The following RBFOX1 variants were observed in gnomAD, a reference collection of about 807,000 sequenced individuals.
The protein encoded by RBFOX1 is RNA binding protein fox-1 homolog 1.
Under a neutral mutation model 57.7 loss-of-function variants are expected in RBFOX1, and 8 were observed. The ratio of observed to expected loss-of-function variants is 0.14; its 90% CI spans 0.08 to 0.25. The LOEUF (loss-of-function observed/expected upper bound fraction) is 0.25. RBFOX1 is among the 10% of genes least tolerant of loss of function. The probability of loss-of-function intolerance (pLI) is 1.00; values close to 1 mark genes in which losing one functional copy is unlikely to be tolerated. For synonymous variants in RBFOX1, 326 were observed against 222.4 expected, an observed-to-expected ratio of 1.47 and a Z score of -4.15; for missense variants, 611 against 548.5, an observed-to-expected ratio of 1.11 and a Z score of -1.14.
chr16:5,559,907 A>G (rs2045830585), intron 2 of RBFOX1, among the ~76,000 whole-genome samples: 1 of 52,594 alleles, frequency 1.9e-5, no homozygotes, highest in Non-Finnish European at 4.6e-5. Flanking sequence ...GAGATCCTTT[A>G]TTCTTCCTCA....
At chr16:7,566,005 C>A (rs930080302) in intron 5 of RBFOX1, among the ~76,000 whole-genome samples, 1 of 152,058 alleles carries the variant, frequency 6.6e-6, no homozygotes, top group Non-Finnish European at 1.5e-5. Context: ...AAAGACTTGC[C>A]GAGCGCCTAC....
At chr16:6,698,447 G>A (rs1207162154) in intron 3 of RBFOX1, among the ~76,000 whole-genome samples, 5 of 152,114 alleles carry the variant, frequency 3.3e-5, no homozygotes, top group Non-Finnish European at 2.9e-5. Context: ...TCCTGTGGCC[G>A]CCATAACGCA....
At chr16:7,034,089 C>A (rs1456533375) in intron 3 of RBFOX1, among the ~76,000 whole-genome samples, 1 of 152,142 alleles carries the variant, frequency 6.6e-6, no homozygotes, top group Non-Finnish European at 1.5e-5. Context: ...GTGCAGGTGT[C>A]CATGCCATGG....
chr16:6,173,318 G>A (rs1337536605), intron 1 of RBFOX1, among the ~76,000 whole-genome samples: 2 of 152,136 alleles, frequency 1.3e-5, no homozygotes, highest in East Asian at 1.9e-4. Flanking sequence ...AGGAATTAAC[G>A]GTGATTATTG....
chr16:5,822,411 G>A (rs916479227), intron 3 of RBFOX1, among the ~76,000 whole-genome samples: 3 of 152,022 alleles, frequency 2.0e-5, no homozygotes, highest in African/African-American at 4.8e-5. Flanking sequence ...AATACCACCT[G>A]TACCCCAATA....
intron 2 of RBFOX1, among the ~76,000 whole-genome samples, chr16:6,508,862 A>C (rs569514722): frequency 1.6e-4 from 21 of 131,504 alleles, no homozygotes; most frequent in African/African-American, 5.7e-4. Flanking sequence ...CAACCTACGA[A>C]TCATAACAAA....
chr16:7,282,700 C>G (rs925992207), intron 4 of RBFOX1, among the ~76,000 whole-genome samples: 1 of 152,094 alleles, frequency 6.6e-6, no homozygotes, highest in Non-Finnish European at 1.5e-5. Flanking sequence ...ATACACTGCA[C>G]CCAGTTTGTA....
intron 3 of RBFOX1, among the ~76,000 whole-genome samples, chr16:5,834,774 G>T (rs55781737): frequency 1.5e-5 from 2 of 133,864 alleles, no homozygotes; most frequent in African/African-American, 5.8e-5. Flanking sequence ...TACATGCACA[G>T]ATGATAGATA....
intron 1 of RBFOX1, among the ~76,000 whole-genome samples, chr16:6,286,761 G>T (rs1362318): frequency 0.8 from 122,004 of 152,104 alleles, 49,086 homozygotes; most frequent in East Asian, 0.99. Flanking sequence ...GATTCATTCA[G>T]CCTAGCCAGT....
rs551642134 is a variant in RBFOX1 at position 6,968,142 on chromosome 16, G to A, written c.-15-83915G>A. 3.3e-5 allele frequency among the ~76,000 whole-genome samples: 5 copies of A among 152,256 alleles called. No individual in the cohort carries two copies. In the South Asian group the frequency reaches 1.0e-3, roughly 32 times the overall value. On this transcript the variant is annotated intron_variant, in intron 3 of 15. Transcript: ENST00000550418. Reference sequence around the variant, plus strand: ...CAACCCCGCACAGACACCACCGCTAGACTCGGCCTCAGGGTGGGAACCCCC... The same window carrying A: ...CAACCCCGCACAGACACCACCGCTAAACTCGGCCTCAGGGTGGGAACCCCC...
At chr16:7,410,242 T>A (rs974197001) in intron 4 of RBFOX1, among the ~76,000 whole-genome samples, 1 of 152,232 alleles carries the variant, frequency 6.6e-6, no homozygotes, top group Admixed American at 6.5e-5. Context: ...GCACTGCATA[T>A]GTGTTGGCTC....
intron 1 of RBFOX1, among the ~76,000 whole-genome samples, chr16:5,370,746 G>C (rs901514300): frequency 6.6e-6 from 1 of 151,962 alleles, no homozygotes; most frequent in Non-Finnish European, 1.5e-5. Flanking sequence ...TCCCACCTTG[G>C]CCTCCCAGAG....
intron 4 of RBFOX1, among the ~76,000 whole-genome samples, chr16:7,390,717 G>T (rs1165576262): frequency 6.6e-6 from 1 of 152,120 alleles, no homozygotes; most frequent in Admixed American, 6.5e-5. Context: ...GGAATTAGTG[G>T]TTATAAGAAC....
chr16:5,805,020 G>T (rs2055181384), intron 3 of RBFOX1, among the ~76,000 whole-genome samples: 1 of 152,040 alleles, frequency 6.6e-6, no homozygotes, highest in African/African-American at 2.4e-5. Flanking sequence ...GTGACTTGGA[G>T]GCTCTGGGGT....
chr16:7,464,548 C>A (rs74010506), intron 4 of RBFOX1, among the ~76,000 whole-genome samples: 1,784 of 152,178 alleles, frequency 0.012, 32 homozygotes, highest in African/African-American at 0.041. Flanking sequence ...TCAGGGACAT[C>A]TACAAGCTAT....
rs78832326 is a variant in RBFOX1, at chr16:7,343,307, T to G, written c.28-174840T>G. Among the ~76,000 whole-genome samples, 992 of 152,256 alleles carry G rather than the reference T, an allele frequency of 6.5e-3. 11 individuals carry two copies. Among genetic ancestry groups the G allele is most frequent in the African/African-American group, 0.022 (930 of 41,550 alleles). Reference sequence around the variant, plus strand: ...GCTTCGAAGTCCCGCTGCATCCAGATGTTCCCCCAAAGCTGCTATGGATCA... The same window carrying G: ...GCTTCGAAGTCCCGCTGCATCCAGAGGTTCCCCCAAAGCTGCTATGGATCA... On this transcript the variant is annotated intron_variant, in intron 4 of 15. Transcript: ENST00000550418.
intron 1 of RBFOX1, among the ~76,000 whole-genome samples, chr16:6,126,062 A>G (rs1039762429): frequency 3.3e-5 from 5 of 152,212 alleles, no homozygotes; most frequent in African/African-American, 1.2e-4. Flanking sequence ...TGAGAAAAGA[A>G]TTCTGTGATT....
At chr16:7,499,897 A>G (rs1159927897) in intron 4 of RBFOX1, among the ~76,000 whole-genome samples, 2 of 149,578 alleles carry the variant, frequency 1.3e-5, no homozygotes, top group Non-Finnish European at 3.0e-5. Context: ...AAAAAAAAGA[A>G]AAAAAAAAAA....
At chr16:5,289,817 G>A (rs7199158) in intron 1 of RBFOX1, among the ~76,000 whole-genome samples, 1 of 152,078 alleles carries the variant, frequency 6.6e-6, no homozygotes, top group Non-Finnish European at 1.5e-5. Flanking sequence ...CTTACACAGT[G>A]TGGCACTTCT....
Sources: gnomAD v4.1 joint callset for allele counts (sites outside exome capture counted in the v4.1 genomes callset) on GRCh38, gnomAD v4.1.1 for gene constraint, MANE v1.5 for transcripts, NCBI Gene and HGNC (gene_info 2026-07-23, HGNC 2026-07-21) for gene names.